The following PLXNA4 variants were observed in gnomAD, a reference collection of about 807,000 sequenced individuals.
PLXNA4 encodes plexin-A4.
In PLXNA4, 44 loss-of-function variants were observed where a neutral mutation model predicts 191.8. The ratio of observed to expected loss-of-function variants is 0.23; its 90% CI spans 0.18 to 0.29. The LOEUF is 0.29. Among genes scored for constraint, PLXNA4 ranks in the 10% least tolerant of loss-of-function variants. The pLI is 1.00. For synonymous variants in PLXNA4, 1,082 were observed against 1,009.5 expected, an observed-to-expected ratio of 1.07 and a Z score of -1.36; for missense variants, 1,800 against 2,488.8, an observed-to-expected ratio of 0.72 and a Z score of 5.89.
rs748315659 is a variant in PLXNA4, at chr7:132,484,962, C to A, written c.1371+4330G>T. On this transcript the variant is annotated intron_variant, in intron 3 of 31. Coordinates refer to ENST00000321063, the MANE Select transcript of PLXNA4 (RefSeq NM_020911.2). Reference sequence around the variant, plus strand: ...ATGTTCGCCCCAGGTGGGTCTCCCTCCACTCCAATCCACTCCTGGGTGATT... The same window carrying A: ...ATGTTCGCCCCAGGTGGGTCTCCCTACACTCCAATCCACTCCTGGGTGATT... 3.7e-6 allele frequency: 6 copies of A among 1,614,072 alleles called. No individual in the cohort carries two copies. In the East Asian group the frequency reaches 1.1e-4, roughly 30 times the overall value.
intron 3 of PLXNA4, among the ~76,000 whole-genome samples, chr7:132,451,829 G>C (rs1471259461): frequency 6.6e-6 from 1 of 152,240 alleles, no homozygotes; most frequent in Admixed American, 6.5e-5. Context: ...GATGGGATGG[G>C]GCTGTGTGGG....
chr7:132,463,945 G>A (rs1796606986), intron 3 of PLXNA4, among the ~76,000 whole-genome samples: 1 of 152,142 alleles, frequency 6.6e-6, no homozygotes, highest in African/African-American at 2.4e-5. Flanking sequence ...ACATCTCAGG[G>A]TCCCAAGTAC....
intron 3 of PLXNA4, among the ~76,000 whole-genome samples, chr7:132,419,804 CTGCCACAGACAATACA>C (rs1192830613): frequency 6.6e-6 from 1 of 152,230 alleles, no homozygotes; most frequent in Non-Finnish European, 1.5e-5. Context: ...AGCATGACAG[CTGCCACAGACAATACA>C]TAAACAAATG....
chr7:132,192,200 G>T (rs1797113347), intron 14 of PLXNA4, among the ~76,000 whole-genome samples: 1 of 152,192 alleles, frequency 6.6e-6, no homozygotes, highest in Admixed American at 6.5e-5. Context: ...AAGTACTTGA[G>T]CTCAGTTGCT....
At chr7:132,513,493 T>G (rs2116305224) in intron 1 of PLXNA4, among the ~76,000 whole-genome samples, 1 of 152,274 alleles carries the variant, frequency 6.6e-6, no homozygotes, top group East Asian at 1.9e-4. Flanking sequence ...CAGGCCTCAC[T>G]CAGTTATTCA....
chr7:132,549,769 GAGTT>G, intron 1 of PLXNA4, among the ~76,000 whole-genome samples: 1 of 19,000 alleles, frequency 5.3e-5, no homozygotes, highest in Non-Finnish European at 2.1e-4. Flanking sequence ...CCCTTGGGGT[GAGTT>G]GTTTGTTTGT....
chr7:132,322,067 G>A (rs896172347), intron 3 of PLXNA4, among the ~76,000 whole-genome samples: 4 of 152,128 alleles, frequency 2.6e-5, no homozygotes, highest in African/African-American at 4.8e-5. Context: ...GTTGGAAAAG[G>A]AATGTGCCAG....
chr7:132,172,580 G>A (rs967704106), intron 21 of PLXNA4, among the ~76,000 whole-genome samples: 1 of 115,798 alleles, frequency 8.6e-6, no homozygotes. Flanking sequence ...GCAAGAAGGG[G>A]TTGGAAAAAA....
intron 1 of PLXNA4, among the ~76,000 whole-genome samples, chr7:132,525,116 G>A (rs1799348907): frequency 6.6e-6 from 1 of 152,020 alleles, no homozygotes; most frequent in Admixed American, 6.6e-5. Flanking sequence ...TACATTCTAT[G>A]TCTATGAATT....
At chr7:132,323,136 C>T (rs965800) in intron 3 of PLXNA4, among the ~76,000 whole-genome samples, 125,258 of 152,182 alleles carry the variant, frequency 0.82, 51,970 homozygotes, top group African/African-American at 0.93. Flanking sequence ...GTGATCCCCA[C>T]GAGTTCACCT....
intron 2 of PLXNA4, among the ~76,000 whole-genome samples, chr7:132,621,481 C>T (rs1225462140): frequency 1.3e-5 from 2 of 151,958 alleles, no homozygotes; most frequent in East Asian, 3.9e-4. Flanking sequence ...GGATGGTCTC[C>T]ATCTTTTGAC....
chr7:132,419,626 G>A (rs1460213504), intron 3 of PLXNA4, among the ~76,000 whole-genome samples: 2 of 152,116 alleles, frequency 1.3e-5, no homozygotes, highest in Non-Finnish European at 1.5e-5. Context: ...TTGAATTCTG[G>A]TCATGTTCCA....
rs368584819 is a variant in PLXNA4, at chr7:132,246,859, A to G, written c.1504-5693T>C. 1.3e-3 allele frequency among the ~76,000 whole-genome samples: 194 copies of G among 152,250 alleles called. 8 individuals carry two copies. The South Asian group carries it at 0.039, about 30-fold the overall frequency. On this transcript the variant is annotated intron_variant, in intron 4 of 31. Transcript: ENST00000321063. ...CCTAACCTGTCCAGTTCCAAAGGCC[A>G]CAAATTTACAAAACAATGGCCTAGC...
At chr7:132,605,173 G>C (rs753866022) in intron 2 of PLXNA4, among the ~76,000 whole-genome samples, 6 of 152,148 alleles carry the variant, frequency 3.9e-5, no homozygotes, top group Non-Finnish European at 7.4e-5. Context: ...TGGAGCATGG[G>C]GAAGATAAGT....
At chr7:132,225,624 C>CCG (rs1554395286) in intron 8 of PLXNA4, among the ~76,000 whole-genome samples, 1 of 151,476 alleles carries the variant, frequency 6.6e-6, no homozygotes, top group Non-Finnish European at 1.5e-5. Context: ...CCGCCCCCCC[C>CCG]CACAGCTTTC....
rs908758409 is a variant in PLXNA4 at position 132,123,694 on chromosome 7, C to T, written c.*6785G>A. 3 of 152,062 alleles carry T rather than the reference C, an allele frequency of 2.0e-5. No homozygotes were observed. The highest frequency in any genetic ancestry group is 4.8e-5 in the African/African-American group (2 of 41,404). 9.4% of individuals were successfully genotyped at this position (152,062 alleles called of 1,614,324 possible). On this transcript the variant is annotated 3_prime_UTR_variant, in exon 32 of 32. Coordinates refer to ENST00000321063, the MANE Select transcript of PLXNA4 (RefSeq NM_020911.2). ...TTTGTTCTAACAAAGGGTCAATGTT[C>T]GAGGTGGGAGCTTTAGTTTGAAACA...
intron 3 of PLXNA4, among the ~76,000 whole-genome samples, chr7:132,368,878 T>A (rs546283378): frequency 6.6e-6 from 1 of 152,190 alleles, no homozygotes; most frequent in Admixed American, 6.5e-5. Context: ...GGAACCCACA[T>A]TGCATCTGCA....
chr7:132,615,554 G>A (rs1018755438), intron 2 of PLXNA4, among the ~76,000 whole-genome samples: 4 of 152,168 alleles, frequency 2.6e-5, no homozygotes, highest in Admixed American at 6.5e-5. Context: ...TCCACTTCGG[G>A]ATCTGTCTGA....
intron 3 of PLXNA4, among the ~76,000 whole-genome samples, chr7:132,389,038 CAT>C (rs1441867921): frequency 1.3e-5 from 2 of 152,156 alleles, no homozygotes; most frequent in Admixed American, 6.5e-5. Context: ...AGCTTTTTTT[CAT>C]ATGTTTGTTG....
Sources: allele counts gnomAD v4.1 joint callset (sites outside exome capture counted in the v4.1 genomes callset), GRCh38; gene constraint gnomAD v4.1.1; transcripts MANE v1.5; gene names NCBI Gene and HGNC (gene_info 2026-07-23, HGNC 2026-07-21).